TG: variants seen among roughly 807,000 people sequenced by gnomAD.
The protein encoded by TG is thyroglobulin.
In TG, 270 loss-of-function variants were observed where a neutral mutation model predicts 324.7. That is an observed-to-expected ratio of 0.83 (90% CI 0.75 to 0.92). The LOEUF (loss-of-function observed/expected upper bound fraction) is 0.92. Ranked by LOEUF, TG falls within the 40% of genes least tolerant of loss-of-function variation. The probability of loss-of-function intolerance (pLI) is 0.00; values close to 1 mark genes in which losing one functional copy is unlikely to be tolerated. For missense variants in TG, 3,591 were observed against 3,456.4 expected (o/e 1.04, Z -0.98); for synonymous variants, 1,401 against 1,327.0 (o/e 1.06, Z -1.21).
intron 41 of TG, chr8:133,075,083 G>T: frequency 2.0e-6 from 2 of 985,422 alleles, no homozygotes; most frequent in Non-Finnish European, 2.4e-6. Context: ...CAGAAGGGCA[G>T]GTTCCTGTTT....
intron 37 of TG, among the ~76,000 whole-genome samples, chr8:133,017,460 C>T (rs1174020503): frequency 6.6e-6 from 1 of 152,098 alleles, no homozygotes; most frequent in African/African-American, 2.4e-5. Context: ...TTGCTGTTTG[C>T]TTCTCTGTTC....
At chr8:133,067,355 A>G (rs148281452) in intron 41 of TG, among the ~76,000 whole-genome samples, 2 of 152,172 alleles carry the variant, frequency 1.3e-5, no homozygotes, top group Admixed American at 6.5e-5. Context: ...GCGGCATACC[A>G]GGGGCTCTAG....
chr8:133,051,044 C>T lies in TG; in HGVS notation c.7239+21021C>T, dbSNP rs1281320593. ...AGGAAATACCTTTCTTGTTTTGAAC[C>T]ACCAATTTACAGCAAGGTCCTCTCT... On this transcript the variant is annotated intron_variant, in intron 41 of 47. Transcript: ENST00000220616. 3 of 628,352 alleles carry T rather than the reference C, an allele frequency of 4.8e-6. No homozygotes were observed. The African/African-American group carries it at 5.5e-5, about 12-fold the overall frequency. The allele number at this position is 628,352 out of a possible 1,614,324, so 38.9% of individuals were successfully genotyped here.
At chr8:133,104,774 G>T (rs1849648775) in intron 43 of TG, among the ~76,000 whole-genome samples, 1 of 152,066 alleles carries the variant, frequency 6.6e-6, no homozygotes, top group Non-Finnish European at 1.5e-5. Context: ...GGGGGAAGAG[G>T]GGAAGTGAGG....
At chr8:133,127,965 G>T (rs925657663) in intron 45 of TG, among the ~76,000 whole-genome samples, 1 of 151,934 alleles carries the variant, frequency 6.6e-6, no homozygotes, top group Non-Finnish European at 1.5e-5. Context: ...CAAGTCCACC[G>T]CGGCCTCCTC....
chr8:133,108,512 G>A (rs1850013522), intron 43 of TG, among the ~76,000 whole-genome samples: 2 of 152,204 alleles, frequency 1.3e-5, no homozygotes, highest in South Asian at 2.1e-4. Flanking sequence ...CTTCATGACA[G>A]TTTTATGATG....
At chr8:133,015,511 T>G (rs918343828) in intron 37 of TG, among the ~76,000 whole-genome samples, 1 of 152,192 alleles carries the variant, frequency 6.6e-6, no homozygotes, top group Non-Finnish European at 1.5e-5. Flanking sequence ...CCGTGTTTGA[T>G]CTCATTGAGT....
chr8:133,058,800 C>T (rs1430968744), intron 41 of TG, among the ~76,000 whole-genome samples: 1 of 152,230 alleles, frequency 6.6e-6, no homozygotes, highest in African/African-American at 2.4e-5. Flanking sequence ...CATCTGGTTC[C>T]ACCTCCTTGG....
At chr8:132,900,389 C>A (rs1006712571) in intron 15 of TG, 50 bp downstream of exon 15, 16 of 1,536,604 alleles carry the variant, frequency 1.0e-5, no homozygotes, top group Non-Finnish European at 1.4e-5. Context: ...CTGTGGGGCA[C>A]TGAGCGTGGA....
At chr8:133,030,604 G>T (rs1836546065) in intron 41 of TG, among the ~76,000 whole-genome samples, 1 of 152,238 alleles carries the variant, frequency 6.6e-6, no homozygotes, top group African/African-American at 2.4e-5. Context: ...TGCTGTGCAA[G>T]ATGCTGGAAA....
At chr8:132,906,951 G>C (rs1339321841) in intron 17 of TG, 51 bp downstream of exon 17, 1 of 1,553,380 alleles carries the variant, frequency 6.4e-7, no homozygotes, top group African/African-American at 1.4e-5. Context: ...CTCAGGGCTA[G>C]GGCTGGGACC....
In TG at chr8:133,131,798, C is replaced by CT; in HGVS notation, c.7863-13dup. ...TCTTGACCTTTTGCTGCTGCTTTTC[C>CT]TCTGTTTTCTCAGCCTGGAGCTGCT... On this transcript the variant is annotated splice_polypyrimidine_tract_variant and intron_variant, in intron 45 of 47. Coordinates refer to ENST00000220616, the MANE Select transcript of TG (RefSeq NM_003235.5). 2 of 1,613,954 alleles carry CT rather than the reference C, an allele frequency of 1.2e-6. No individual in the cohort carries two copies. The highest frequency in any genetic ancestry group is 1.7e-6 in the Non-Finnish European group (2 of 1,179,932).
chr8:133,047,855 C>T (rs945865006), intron 41 of TG: 8 of 1,608,634 alleles, frequency 5.0e-6, no homozygotes, highest in Non-Finnish European at 6.8e-6. Flanking sequence ...TCTCTCTGAT[C>T]ATGAAGGAGC....
intron 41 of TG, among the ~76,000 whole-genome samples, chr8:133,042,709 T>TTTTTTG (rs1554706931): frequency 2.2e-5 from 3 of 138,680 alleles, no homozygotes; most frequent in Admixed American, 7.3e-5. Flanking sequence ...TTTTTTTTTT[T>TTTTTTG]GTGAGATGGA....
intron 45 of TG, among the ~76,000 whole-genome samples, chr8:133,127,322 A>G (rs943546576): frequency 6.6e-6 from 1 of 152,194 alleles, no homozygotes; most frequent in Admixed American, 6.5e-5. Context: ...GCAATGGATC[A>G]TCTCTGAAAT....
intron 34 of TG, among the ~76,000 whole-genome samples, chr8:132,976,063 A>G (rs1339557203): frequency 1.3e-5 from 2 of 152,198 alleles, no homozygotes; most frequent in African/African-American, 2.4e-5. Flanking sequence ...AAATATGAGG[A>G]AATATGATTA....
chr8:133,039,810 C>G (rs537765807), intron 41 of TG, among the ~76,000 whole-genome samples: 1 of 152,268 alleles, frequency 6.6e-6, no homozygotes, highest in African/African-American at 2.4e-5. Context: ...GAAGCTGCCC[C>G]TGCACCCAGG....
At chr8:133,043,940 G>A (rs892162024) in intron 41 of TG, among the ~76,000 whole-genome samples, 1 of 152,190 alleles carries the variant, frequency 6.6e-6, no homozygotes, top group African/African-American at 2.4e-5. Flanking sequence ...GCAATGTTCC[G>A]CTGGGTAAAA....
At chr8:132,870,520 G>T (rs987278391) in intron 3 of TG, among the ~76,000 whole-genome samples, 2 of 151,396 alleles carry the variant, frequency 1.3e-5, no homozygotes, top group Admixed American at 1.3e-4. Flanking sequence ...TAGAACACGT[G>T]TAAACACTAG....
Sources: allele counts gnomAD v4.1 joint callset (sites outside exome capture counted in the v4.1 genomes callset), GRCh38; gene constraint gnomAD v4.1.1; transcripts MANE v1.5; gene names NCBI Gene and HGNC (gene_info 2026-07-23, HGNC 2026-07-21).